Variants in DERA observed in about 807,000 individuals in gnomAD.
DERA encodes the protein 2-deoxy-D-ribose 5-phosphate aldolase.
In DERA, 15 loss-of-function variants were observed where a neutral mutation model predicts 41.1. The observed-to-expected ratio is 0.37, with a 90% CI of 0.24 to 0.56. The LOEUF is 0.56. DERA is among the 20% of genes least tolerant of loss of function. The pLI is 0.81. For synonymous variants in DERA, 139 were observed against 137.4 expected (o/e 1.01, Z -0.08); for missense variants, 396 against 403.4 (o/e 0.98, Z 0.16).
At chr12:15,932,314 C>T (rs1948334234) in intron 1 of DERA, among the ~76,000 whole-genome samples, 3 of 152,078 alleles carry the variant, frequency 2.0e-5, no homozygotes, top group Admixed American at 2.0e-4. Flanking sequence ...CCATATTTGA[C>T]AAGAATGTAT....
rs891017541 is a variant in DERA, at chr12:15,999,595, G to C, written c.637+17159G>C. Among the ~76,000 whole-genome samples, 1 of 152,160 alleles carries C rather than the reference G, an allele frequency of 6.6e-6. No homozygotes were observed. The highest frequency in any genetic ancestry group is 1.5e-5 in the Non-Finnish European group (1 of 68,034). Reference sequence around the variant, plus strand: ...AGAGAGATGTGAAAGAACATGTCATGGTGAGAAAGCTGGTCTGGTTGGGCT... The same window carrying C: ...AGAGAGATGTGAAAGAACATGTCATCGTGAGAAAGCTGGTCTGGTTGGGCT... On this transcript the variant is annotated intron_variant, in intron 6 of 8. Coordinates refer to ENST00000428559, the MANE Select transcript of DERA (RefSeq NM_015954.4). This position sits in a 1 kb window ranked among gnomAD's most constrained non-coding sequence, Gnocchi z 5.3.
At chr12:15,987,709 C>A (rs956050332) in intron 6 of DERA, among the ~76,000 whole-genome samples, 1 of 152,066 alleles carries the variant, frequency 6.6e-6, no homozygotes, top group Non-Finnish European at 1.5e-5. Context: ...TTACATGGAT[C>A]TTTATTCAAG....
In DERA at chr12:15,960,020, A is replaced by G. The variant is rs144023726; in HGVS notation, c.373+96A>G. Reference sequence around the variant, plus strand: ...TATGTAGGTTTGTACTATGATTTAAATTAGTTTATGTATTTAATTAGTTGT... The same window carrying G: ...TATGTAGGTTTGTACTATGATTTAAGTTAGTTTATGTATTTAATTAGTTGT... On this transcript the variant is annotated intron_variant, in intron 4 of 8. Coordinates refer to ENST00000428559, the MANE Select transcript of DERA (RefSeq NM_015954.4). 0.01 allele frequency: 8,657 copies of G among 859,484 alleles called. 66 individuals carry two copies. The highest frequency in any genetic ancestry group is 0.018 in the Middle Eastern group (71 of 3,850). The allele number at this position is 859,484 out of a possible 1,614,324, so 53.2% of individuals were successfully genotyped here.
In DERA at chr12:15,965,335, C is replaced by T. The variant is rs542197358; in HGVS notation, c.508+2388C>T. ...TTCTGGGGTACATGTGCAGAATGTG[C>T]AGGTTTGTTGCATAGGTAAACGTGT... On this transcript the variant is annotated intron_variant, in intron 5 of 8. Transcript: ENST00000428559. The surrounding 1 kb of genome is among the most constrained non-coding windows in gnomAD (Gnocchi z 4.1). Among the ~76,000 whole-genome samples, 1 of 152,282 alleles carries T rather than the reference C, an allele frequency of 6.6e-6. No individual in the cohort carries two copies. Among genetic ancestry groups the T allele is most frequent in the South Asian group, 2.1e-4 (1 of 4,812 alleles).
At chr12:15,945,652 T>C (rs1948441750) in intron 1 of DERA, among the ~76,000 whole-genome samples, 1 of 152,222 alleles carries the variant, frequency 6.6e-6, no homozygotes, top group Admixed American at 6.5e-5. Flanking sequence ...TTTCTAGATA[T>C]ACAATCGTGT....
chr12:15,958,296 C>A lies in DERA; in HGVS notation c.238C>A (p.Arg80=). ...CTGTTATAAAGCCAAATACCCAATC[C>A]GGGAAGATCTCTTAAAAGCTTTAAA... ...RLCYKAKYPI[R]EDLLKALNMH... Residue 80 remains arginine, a synonymous_variant, in exon 3 of 9, where the codon CGG becomes AGG. Transcript: ENST00000428559. 3.7e-6 allele frequency: 6 copies of A among 1,603,292 alleles called. No homozygotes were observed. Among genetic ancestry groups the A allele is most frequent in the Non-Finnish European group, 5.1e-6 (6 of 1,174,860 alleles).
In DERA at chr12:16,036,727, A is replaced by G; in HGVS notation, c.938A>G (p.His313Arg). 6.2e-7 allele frequency: 1 copy of G among 1,600,228 alleles called. No individual in the cohort carries two copies. Among genetic ancestry groups the G allele is most frequent in the East Asian group, 2.3e-5 (1 of 44,200 alleles). ...GTGACTGGAAGATATGCAGCTTATC[A>G]TGATCTTCCAATGTCTTAAATCAGT... is the stretch of plus-strand genomic sequence containing the variant. Reference protein sequence around the residue: ...HHVTGRYAAYHDLPMS With the variant: ...HHVTGRYAAYRDLPMS Residue 313 changes from histidine to arginine, a missense_variant, in exon 9 of 9, where the codon CAT becomes CGT. His to Arg is a conservative substitution (Grantham distance 29). Transcript: ENST00000428559. The surrounding 1 kb of genome is among the most constrained non-coding windows in gnomAD (Gnocchi z 4.9).
At position 16,003,677 on chromosome 12, in the gene DERA, G is replaced by A. The variant is rs1053744390; in HGVS notation, c.637+21241G>A. Among the ~76,000 whole-genome samples the A allele has an allele frequency of 6.6e-6, 1 of 152,126 alleles. No homozygotes were observed. Among genetic ancestry groups the A allele is most frequent in the Admixed American group, 6.6e-5 (1 of 15,264 alleles). On this transcript the variant is annotated intron_variant, in intron 6 of 8. Coordinates refer to ENST00000428559, the MANE Select transcript of DERA (RefSeq NM_015954.4). The surrounding 1 kb of genome is among the most constrained non-coding windows in gnomAD (Gnocchi z 4.8). Reference sequence around the variant, plus strand: ...AAAACAGGTGAGTTTGCATTTGTTGGGGGAGCGCCAGGAAACAAGAGTGTC... The same window carrying A: ...AAAACAGGTGAGTTTGCATTTGTTGAGGGAGCGCCAGGAAACAAGAGTGTC...
In DERA at chr12:15,918,738, A is replaced by G. The variant is rs2136123315; in HGVS notation, c.31+7324A>G. ...ACTAAGGGAGATGTTTATGTAAATC[A>G]CCACATACGGCATGTTAAAACTGAC... On this transcript the variant is annotated intron_variant, in intron 1 of 8. Coordinates refer to ENST00000428559, the MANE Select transcript of DERA (RefSeq NM_015954.4). This position sits in a 1 kb window ranked among gnomAD's most constrained non-coding sequence, Gnocchi z 4.3. Among the ~76,000 whole-genome samples, 1 of 152,200 alleles carries G rather than the reference A, an allele frequency of 6.6e-6. No individual in the cohort carries two copies. The highest frequency in any genetic ancestry group is 2.4e-5 in the African/African-American group (1 of 41,522).
In DERA at chr12:16,003,918, G is replaced by A. The variant is rs1027159968; in HGVS notation, c.637+21482G>A. The stretch of plus-strand genomic sequence containing the variant: ...AGAGGTGTTCTGGGTTGTAGAGCTA[G>A]CCACTCAGAGGCATCCGGGCCTTCC... On this transcript the variant is annotated intron_variant, in intron 6 of 8. Transcript: ENST00000428559. This position sits in a 1 kb window ranked among gnomAD's most constrained non-coding sequence, Gnocchi z 4.8. 5.9e-5 allele frequency among the ~76,000 whole-genome samples: 9 copies of A among 152,166 alleles called. No individual in the cohort carries two copies. Among genetic ancestry groups the A allele is most frequent in the African/African-American group, 1.9e-4 (8 of 41,444 alleles).
Position 15,911,450 on chromosome 12 carries a change from T to TCGCGTTCAGCGC in DERA, c.31+40_31+51dup. 7.1e-7 allele frequency: 1 copy of TCGCGTTCAGCGC among 1,407,072 alleles called. No individual in the cohort carries two copies. Among genetic ancestry groups the TCGCGTTCAGCGC allele is most frequent in the South Asian group, 1.5e-5 (1 of 65,332 alleles). 87.2% of individuals were successfully genotyped at this position (1,407,072 alleles called of 1,614,324 possible). On this transcript the variant is annotated intron_variant, in intron 1 of 8. Transcript: ENST00000428559. This position sits in a 1 kb window ranked among gnomAD's most constrained non-coding sequence, Gnocchi z 4.5. ...CGCGGGGCTCCCCATCCCCTCTCCCTCGCGTTCAGCGCCGCCGGGACTAGC... is the reference window on the plus strand; with the variant it reads ...CGCGGGGCTCCCCATCCCCTCTCCCTCGCGTTCAGCGCCGCGTTCAGCGCCGCCGGGACTAGC...
In DERA at chr12:16,008,798, A is replaced by G. The variant is rs1273875656; in HGVS notation, c.638-23744A>G. Among the ~76,000 whole-genome samples the G allele has an allele frequency of 6.6e-6, 1 of 152,222 alleles. No individual in the cohort carries two copies. The highest frequency in any genetic ancestry group is 1.9e-4 in the East Asian group (1 of 5,190). On this transcript the variant is annotated intron_variant, in intron 6 of 8. Coordinates refer to ENST00000428559, the MANE Select transcript of DERA (RefSeq NM_015954.4). The surrounding 1 kb of genome is among the most constrained non-coding windows in gnomAD (Gnocchi z 4.8). ...AGTCATGTTTATATTCAGAATAGGAAGAAAAGCAATGAAGGTGCCATTTCG... is the reference window on the plus strand; with the variant it reads ...AGTCATGTTTATATTCAGAATAGGAGGAAAAGCAATGAAGGTGCCATTTCG...
In DERA at chr12:15,985,811, A is replaced by G. The variant is rs1315713465; in HGVS notation, c.637+3375A>G. ...TCATTTTATGGTTGTATTTAGTTATATGCTTCAAGTGCACTTAAAAGAATG... is the reference window on the plus strand; with the variant it reads ...TCATTTTATGGTTGTATTTAGTTATGTGCTTCAAGTGCACTTAAAAGAATG... On this transcript the variant is annotated intron_variant, in intron 6 of 8. Coordinates refer to ENST00000428559, the MANE Select transcript of DERA (RefSeq NM_015954.4). This position sits in a 1 kb window ranked among gnomAD's most constrained non-coding sequence, Gnocchi z 4.2. Among the ~76,000 whole-genome samples the G allele has an allele frequency of 2.6e-5, 4 of 152,150 alleles. No individual in the cohort carries two copies.
chr12:15,934,991 G>A (rs1412377265), intron 1 of DERA, among the ~76,000 whole-genome samples: 1 of 152,182 alleles, frequency 6.6e-6, no homozygotes, highest in African/African-American at 2.4e-5. Context: ...TCCTCCCAGA[G>A]AGGTCAGTCA....
intron 5 of DERA, among the ~76,000 whole-genome samples, chr12:15,977,630 A>AT (rs1028731506): frequency 3.9e-5 from 6 of 152,114 alleles, no homozygotes; most frequent in Non-Finnish European, 8.8e-5. Context: ...AATTTTTTGC[A>AT]TTTTTTTAGT....
At chr12:15,953,205 C>T (rs1164471112) in intron 1 of DERA, among the ~76,000 whole-genome samples, 1 of 152,166 alleles carries the variant, frequency 6.6e-6, no homozygotes, top group East Asian at 1.9e-4. Context: ...GTGACCTACC[C>T]TTCCTCTGAA....
intron 5 of DERA, among the ~76,000 whole-genome samples, chr12:15,974,783 A>G (rs1187775066): frequency 1.3e-5 from 2 of 151,772 alleles, no homozygotes; most frequent in Non-Finnish European, 2.9e-5. Flanking sequence ...TGATTTTCTA[A>G]TTCTGTCATT....
intron 1 of DERA, among the ~76,000 whole-genome samples, chr12:15,914,072 C>A (rs1167641103): frequency 6.6e-6 from 1 of 152,100 alleles, no homozygotes; most frequent in Non-Finnish European, 1.5e-5. Context: ...GTGTTTGGTA[C>A]ACAGAAGGCC....
rs1449616209 is a variant in DERA, at chr12:15,943,141, G to GAGGA, written c.32-13792_32-13789dup. Among the ~76,000 whole-genome samples, 1 of 152,236 alleles carries GAGGA rather than the reference G, an allele frequency of 6.6e-6. No individual in the cohort carries two copies. Among genetic ancestry groups the GAGGA allele is most frequent in the Non-Finnish European group, 1.5e-5 (1 of 68,054 alleles). ...TGAGGCTGTTTATGGGTAGTGAGCA[G>GAGGA]AGGAAGCTCTTCTTTGAATTTTGTG... On this transcript the variant is annotated intron_variant, in intron 1 of 8. Transcript: ENST00000428559. This position sits in a 1 kb window ranked among gnomAD's most constrained non-coding sequence, Gnocchi z 4.5.
Sources: gnomAD v4.1 joint callset for allele counts (sites outside exome capture counted in the v4.1 genomes callset) on GRCh38, gnomAD v4.1.1 for gene constraint, Gnocchi (gnomAD v3.1) non-coding constraint, MANE v1.5 for transcripts, NCBI Gene and HGNC (gene_info 2026-07-23, HGNC 2026-07-21) for gene names.